The following ATP10A variants were observed in gnomAD, a reference collection of about 807,000 sequenced individuals.
ATP10A encodes phospholipid-transporting ATPase VA.
Under a neutral mutation model 147.8 loss-of-function variants are expected in ATP10A, and 111 were observed. The observed-to-expected ratio is 0.75, with a 90% CI of 0.64 to 0.88. ATP10A has a LOEUF of 0.88. ATP10A is among the 40% of genes least tolerant of loss of function. The pLI, the probability that ATP10A is intolerant of heterozygous loss-of-function variation, is 0.00. For missense variants in ATP10A, 1,927 were observed against 1,959.0 expected, an observed-to-expected ratio of 0.98 and a Z score of 0.31; for synonymous variants, 875 against 841.6, an observed-to-expected ratio of 1.04 and a Z score of -0.69.
In ATP10A at chr15:25,721,584, GTC is replaced by G. The variant is rs1278620354; in HGVS notation, c.1363+71_1363+72del. 58 of 1,148,180 alleles carry G rather than the reference GTC, an allele frequency of 5.1e-5. No homozygotes were observed. In the African/African-American group the frequency reaches 5.6e-4, roughly 11 times the overall value. 71.1% of individuals were successfully genotyped at this position (1,148,180 alleles called of 1,614,324 possible). A position where few individuals can be genotyped will look rare whatever the true frequency, so the allele number is the denominator to read the frequency against. On this transcript the variant is annotated intron_variant, in intron 7 of 20. Transcript: ENST00000555815. ...TGTGTGTGTGTGTGTGTGTGTGTGT[GTC>G]TCCAAACAATTCTGGATAGGGCAGC... is the stretch of plus-strand genomic sequence containing the variant.
At chr15:25,788,390 T>C (rs1826303243) in intron 1 of ATP10A, among the ~76,000 whole-genome samples, 2 of 152,170 alleles carry the variant, frequency 1.3e-5, no homozygotes, top group Admixed American at 1.3e-4. Flanking sequence ...CGGGGGTCTG[T>C]AGGATCGCTA....
At chr15:25,713,060 G>A (rs896339865) in intron 10 of ATP10A, among the ~76,000 whole-genome samples, 8 of 152,210 alleles carry the variant, frequency 5.3e-5, no homozygotes, top group Non-Finnish European at 1.0e-4. Context: ...TAGGAAGCCC[G>A]TGGCAGGCAG....
At chr15:25,853,399 C>T (rs565731777) in intron 1 of ATP10A, among the ~76,000 whole-genome samples, 1 of 152,176 alleles carries the variant, frequency 6.6e-6, no homozygotes, top group South Asian at 2.1e-4. Flanking sequence ...TTTCAACCTT[C>T]CCAAAACGTG....
At chr15:25,831,347 C>T in intron 1 of ATP10A, among the ~76,000 whole-genome samples, 1 of 152,210 alleles carries the variant, frequency 6.6e-6, no homozygotes, top group South Asian at 2.1e-4. Context: ...CTGGACTCAC[C>T]CATGTGGACA....
intron 4 of ATP10A, among the ~76,000 whole-genome samples, chr15:25,726,647 G>A (rs1162042424): frequency 1.3e-5 from 2 of 151,792 alleles, no homozygotes; most frequent in Non-Finnish European, 2.9e-5. Flanking sequence ...GTTTCACTAC[G>A]TTGGCCAAGC....
chr15:25,748,429 T>A (rs1205289574), intron 2 of ATP10A, among the ~76,000 whole-genome samples: 1 of 152,108 alleles, frequency 6.6e-6, no homozygotes, highest in Admixed American at 6.6e-5. Flanking sequence ...TGAAGCAGAA[T>A]ATGCATTTGA....
chr15:25,811,845 G>A (rs894844815), intron 1 of ATP10A, among the ~76,000 whole-genome samples: 1 of 152,186 alleles, frequency 6.6e-6, no homozygotes, highest in Non-Finnish European at 1.5e-5. Flanking sequence ...ACCTGTCCAA[G>A]CTGGCTGCAC....
intron 7 of ATP10A, among the ~76,000 whole-genome samples, chr15:25,720,386 C>T (rs1024426706): frequency 2.6e-5 from 4 of 152,188 alleles, no homozygotes; most frequent in African/African-American, 9.7e-5. Flanking sequence ...GGTCACCTGG[C>T]TGTGCAACAG....
chr15:25,707,900 A>C (rs1196141729), intron 12 of ATP10A, 76 bp downstream of exon 12: 1 of 1,571,096 alleles, frequency 6.4e-7, no homozygotes, highest in Non-Finnish European at 8.7e-7. Flanking sequence ...AGCCGCTGAC[A>C]AGAGCACTCA....
Position 25,713,951 on chromosome 15 carries a change from G to A in ATP10A, c.2067C>T (p.Arg689=), listed in dbSNP as rs757074551. ...GGCTCTCCGCCTCGTACCGCAGCTCGCGCTCTGACTCCTGCTCCTGAGCAA... is the reference window on the plus strand; with the variant it reads ...GGCTCTCCGCCTCGTACCGCAGCTCACGCTCTGACTCCTGCTCCTGAGCAA... The part of the protein sequence containing the change: ...SELAQEQESE[R]ELRYEAESPD... The change falls in exon 10 of 21, where the codon CGC becomes CGT. Residue 689 remains arginine (R), a synonymous_variant. Transcript: ENST00000555815. 4 of 1,610,610 alleles carry A rather than the reference G, an allele frequency of 2.5e-6. No homozygotes were observed. Among genetic ancestry groups the A allele is most frequent in the East Asian group, 2.2e-5 (1 of 44,868 alleles).
At chr15:25,770,077 T>G (rs1889254945) in intron 2 of ATP10A, among the ~76,000 whole-genome samples, 2 of 152,198 alleles carry the variant, frequency 1.3e-5, no homozygotes, top group African/African-American at 4.8e-5. Context: ...TTCTGCAGTT[T>G]AAGCCGCCCA....
intron 1 of ATP10A, among the ~76,000 whole-genome samples, chr15:25,790,427 T>C (rs1312970564): frequency 6.6e-6 from 1 of 152,138 alleles, no homozygotes; most frequent in Non-Finnish European, 1.5e-5. Flanking sequence ...GAATGGAAAA[T>C]ACTGGTCGCT....
At chr15:25,737,651 C>T (rs550358817) in intron 2 of ATP10A, among the ~76,000 whole-genome samples, 1 of 152,248 alleles carries the variant, frequency 6.6e-6, no homozygotes, top group South Asian at 2.1e-4. Context: ...TCTCTAGAGA[C>T]TGGCATGGGC....
chr15:25,680,724 C>T, intron 19 of ATP10A, 86 bp downstream of exon 19: 12 of 1,302,234 alleles, frequency 9.2e-6, no homozygotes, highest in Non-Finnish European at 1.2e-5. Context: ...TCAAAACGAC[C>T]TCCCAGACCT....
chr15:25,809,572 A>T (rs1891340285), intron 1 of ATP10A, among the ~76,000 whole-genome samples: 1 of 152,214 alleles, frequency 6.6e-6, no homozygotes, highest in Admixed American at 6.5e-5. Context: ...TCAAAGTAAT[A>T]CATTATTCAA....
At chr15:25,779,431 C>T (rs1043549209) in intron 2 of ATP10A, among the ~76,000 whole-genome samples, 4 of 152,178 alleles carry the variant, frequency 2.6e-5, no homozygotes, top group African/African-American at 7.2e-5. Flanking sequence ...GCTGAGACCC[C>T]GGGAACTGAG....
At chr15:25,818,100 A>G (rs1230766776) in intron 1 of ATP10A, among the ~76,000 whole-genome samples, 8 of 126,074 alleles carry the variant, frequency 6.3e-5, no homozygotes, top group East Asian at 4.1e-4. Context: ...AGCAATTTGC[A>G]TGGAAATTGT....
chr15:25,808,470 C>T (rs1395559469), intron 1 of ATP10A, among the ~76,000 whole-genome samples: 4 of 152,200 alleles, frequency 2.6e-5, no homozygotes, highest in African/African-American at 9.7e-5. Flanking sequence ...CTGCAATCTC[C>T]GCCTCCTGGG....
chr15:25,794,887 A>G (rs1890596655), intron 1 of ATP10A, among the ~76,000 whole-genome samples: 1 of 152,132 alleles, frequency 6.6e-6, no homozygotes, highest in African/African-American at 2.4e-5. Context: ...GTGTCCCTGG[A>G]AGGTGTGCCA....
Sources: allele counts gnomAD v4.1 joint callset (sites outside exome capture counted in the v4.1 genomes callset), GRCh38; gene constraint gnomAD v4.1.1; transcripts MANE v1.5; gene names NCBI Gene and HGNC (gene_info 2026-07-23, HGNC 2026-07-21).